The following PMM2 variants were observed in gnomAD, a reference collection of about 807,000 sequenced individuals.
PMM2 encodes the protein phosphomannomutase 2, also known as mannose-6-phosphate isomerase.
Under a neutral mutation model 33.2 loss-of-function variants are expected in PMM2, and 35 were observed. That is an observed-to-expected ratio of 1.06 (90% CI 0.81 to 1.40). PMM2 has a LOEUF of 1.40. PMM2 is among the 40% of genes most tolerant of loss of function. PMM2 has a pLI of 0.00. For synonymous variants in PMM2, 153 were observed against 114.7 expected (o/e 1.33, Z -2.13); for missense variants, 386 against 306.0 (o/e 1.26, Z -1.95).
At chr16:8,823,517 A>G (rs1382225957) in intron 7 of PMM2, among the ~76,000 whole-genome samples, 1 of 152,192 alleles carries the variant, frequency 6.6e-6, no homozygotes, top group Admixed American at 6.5e-5. Flanking sequence ...TTTACTTGCA[A>G]AATAAGTCAT....
intron 7 of PMM2, among the ~76,000 whole-genome samples, chr16:8,834,050 G>C (rs80189141): frequency 1.3e-5 from 2 of 152,148 alleles, no homozygotes; most frequent in African/African-American, 4.8e-5. Flanking sequence ...GGGGGGCACA[G>C]TCTAAGTTGG....
At chr16:8,845,989 A>G (rs977512501) in intron 7 of PMM2, among the ~76,000 whole-genome samples, 1 of 152,164 alleles carries the variant, frequency 6.6e-6, no homozygotes, top group Non-Finnish European at 1.5e-5. Context: ...TCACATGTGT[A>G]GGTAGCAGAT....
In PMM2 at chr16:8,833,194, G is replaced by A. The variant is rs533695861; in HGVS notation, c.640-14530G>A. Among the ~76,000 whole-genome samples, 13 of 152,270 alleles carry A rather than the reference G, an allele frequency of 8.5e-5. No homozygotes were observed. In the South Asian group the frequency reaches 1.0e-3, roughly 12 times the overall value. Reference sequence around the variant, plus strand: ...AGTTCTTATGGGTTTTGGGATAGGCGGTGAAGTTAAGAGCAATGTTTTGCG... The same window carrying A: ...AGTTCTTATGGGTTTTGGGATAGGCAGTGAAGTTAAGAGCAATGTTTTGCG... On this transcript the variant is annotated intron_variant, in intron 7 of 7. Transcript: ENST00000268261.
chr16:8,804,389 C>A (rs898129554), intron 2 of PMM2, among the ~76,000 whole-genome samples: 11 of 152,096 alleles, frequency 7.2e-5, no homozygotes, highest in Non-Finnish European at 2.9e-5. Flanking sequence ...CTCAGCAATT[C>A]TGATTCAGGA....
At chr16:8,811,590 T>A in intron 5 of PMM2, 48 bp from the exon 6 acceptor site, 1 of 1,199,152 alleles carries the variant, frequency 8.3e-7, no homozygotes, top group African/African-American at 1.5e-5. Flanking sequence ...AACTGTGCTT[T>A]CTAAACTGCA....
intron 7 of PMM2, among the ~76,000 whole-genome samples, chr16:8,820,657 G>A (rs2060734023): frequency 6.6e-6 from 1 of 152,158 alleles, no homozygotes; most frequent in Non-Finnish European, 1.5e-5. Flanking sequence ...CCCGACCACA[G>A]TTGCTCTTCT....
chr16:8,801,725 T>A, intron 1 of PMM2, 74 bp from the exon 2 acceptor site: 1 of 936,658 alleles, frequency 1.1e-6, no homozygotes, highest in Non-Finnish European at 1.7e-6. Context: ...TATGTACTTG[T>A]GTTACCCTTA....
intron 7 of PMM2, among the ~76,000 whole-genome samples, chr16:8,846,164 C>A (rs878863362): frequency 6.6e-6 from 1 of 152,190 alleles, no homozygotes; most frequent in East Asian, 1.9e-4. Context: ...GGCCCAGCGA[C>A]GTTCCCTCCT....
intron 7 of PMM2, among the ~76,000 whole-genome samples, chr16:8,835,285 C>T (rs963431377): frequency 1.2e-4 from 18 of 151,738 alleles, no homozygotes; most frequent in African/African-American, 4.4e-4. Context: ...ATTAATCAGA[C>T]ACGATCAACA....
At chr16:8,800,373 A>C (rs1459132139) in intron 1 of PMM2, among the ~76,000 whole-genome samples, 2 of 152,130 alleles carry the variant, frequency 1.3e-5, no homozygotes, top group African/African-American at 4.8e-5. Flanking sequence ...AAAAAAAAAA[A>C]AAAAGACATT....
Position 8,838,758 on chromosome 16 carries a change from A to G in PMM2, c.640-8966A>G. Among the ~76,000 whole-genome samples, 2 of 152,080 alleles carry G rather than the reference A, an allele frequency of 1.3e-5. 1 individual carries two copies. The highest frequency in any genetic ancestry group is 3.9e-4 in the East Asian group (2 of 5,192). On this transcript the variant is annotated intron_variant, in intron 7 of 7. Coordinates refer to ENST00000268261, the MANE Select transcript of PMM2 (RefSeq NM_000303.3). ...AGAATTGGGAGGACCTAGGACATCC[A>G]ATTAGAGAGTGCGTAAGGGGGTTCA...
intron 7 of PMM2, among the ~76,000 whole-genome samples, chr16:8,818,320 G>A (rs978221651): frequency 3.3e-5 from 5 of 152,216 alleles, no homozygotes; most frequent in Non-Finnish European, 7.3e-5. Context: ...ATGCTGTGGT[G>A]AACATTCTTG....
At chr16:8,821,546 T>A (rs980840507) in intron 7 of PMM2, among the ~76,000 whole-genome samples, 5 of 152,318 alleles carry the variant, frequency 3.3e-5, no homozygotes, top group Middle Eastern at 6.8e-3. Context: ...AGGGAGCCCC[T>A]TGATGTCCGC....
chr16:8,811,325 A>G lies in PMM2; in HGVS notation c.447+147A>G, dbSNP rs4985041. On this transcript the variant is annotated intron_variant, in intron 5 of 7. Transcript: ENST00000268261. ...GAGCCCAGGAGTTCAAGACCAGCCT[A>G]GGCAACATAGTGAGACCTCATCTCT... 632,240 of 699,098 alleles carry G rather than the reference A, an allele frequency of 0.9. 288,533 individuals are homozygous for G. The highest frequency in any genetic ancestry group is 0.98 in the East Asian group (36,197 of 36,848). The allele number at this position is 699,098 out of a possible 1,614,324, so 43.3% of individuals were successfully genotyped here.
chr16:8,838,146 G>C (rs994716008), intron 7 of PMM2, among the ~76,000 whole-genome samples: 1 of 152,046 alleles, frequency 6.6e-6, no homozygotes, highest in African/African-American at 2.4e-5. Context: ...GCAATGTTTT[G>C]TGGGCAGGAG....
At chr16:8,817,621 C>A (rs2060715335) in intron 7 of PMM2, among the ~76,000 whole-genome samples, 1 of 152,154 alleles carries the variant, frequency 6.6e-6, no homozygotes, top group Non-Finnish European at 1.5e-5. Flanking sequence ...CATTGCATTA[C>A]CATGCCTGGA....
chr16:8,836,238 G>C (rs1596502474), intron 7 of PMM2, among the ~76,000 whole-genome samples: 1 of 151,876 alleles, frequency 6.6e-6, no homozygotes, highest in Non-Finnish European at 1.5e-5. Flanking sequence ...CTCGGCGTCC[G>C]TGATGGTTTA....
intron 7 of PMM2, 29 bp from the exon 8 acceptor site, chr16:8,847,695 G>A (rs2060936332): frequency 6.6e-7 from 1 of 1,508,668 alleles, no homozygotes; most frequent in Non-Finnish European, 9.2e-7. Flanking sequence ...ACGAGGGGGA[G>A]CCTTCATCTG....
intron 1 of PMM2, among the ~76,000 whole-genome samples, chr16:8,800,788 A>G (rs2060611451): frequency 6.6e-6 from 1 of 151,494 alleles, no homozygotes; most frequent in Non-Finnish European, 1.5e-5. Flanking sequence ...GGTTCAAGTG[A>G]TTCTCCTGCC....
Sources: gnomAD v4.1 joint callset for allele counts (sites outside exome capture counted in the v4.1 genomes callset) on GRCh38, gnomAD v4.1.1 for gene constraint, MANE v1.5 for transcripts, NCBI Gene and HGNC (gene_info 2026-07-23, HGNC 2026-07-21) for gene names.